The following PLCB4 variants were observed in gnomAD, a reference collection of about 807,000 sequenced individuals.
PLCB4 encodes 1-phosphatidylinositol 4,5-bisphosphate phosphodiesterase beta-4.
PLCB4 carries 77 observed loss-of-function variants against 178.8 expected under a neutral mutation model. The observed-to-expected ratio is 0.43, with a 90% CI of 0.36 to 0.52. PLCB4 has a LOEUF of 0.52. Ranked by LOEUF, PLCB4 falls within the 20% of genes least tolerant of loss-of-function variation. The pLI, the probability that PLCB4 is intolerant of heterozygous loss-of-function variation, is 0.00. For synonymous variants in PLCB4, 496 were observed against 490.8 expected (o/e 1.01, Z -0.14); for missense variants, 1,024 against 1,453.4 (o/e 0.70, Z 4.80).
chr20:9,407,632 C>T (rs1224547908), intron 21 of PLCB4, among the ~76,000 whole-genome samples: 1 of 152,128 alleles, frequency 6.6e-6, no homozygotes, highest in East Asian at 1.9e-4. Context: ...AGGCATGAGC[C>T]ACCGTTCCCG....
At chr20:9,344,424 G>C (rs993718198) in intron 7 of PLCB4, among the ~76,000 whole-genome samples, 23 of 152,158 alleles carry the variant, frequency 1.5e-4, no homozygotes, top group African/African-American at 5.1e-4. Context: ...TCCTCTGTCT[G>C]CAGGACGGCA....
At chr20:9,333,928 G>A (rs1325586231) in intron 4 of PLCB4, among the ~76,000 whole-genome samples, 2 of 152,138 alleles carry the variant, frequency 1.3e-5, no homozygotes, top group Non-Finnish European at 2.9e-5. Context: ...AGAGAATAAA[G>A]AGTTCAGTTA....
intron 2 of PLCB4, among the ~76,000 whole-genome samples, chr20:9,203,057 ATAT>A (rs1403173747): frequency 0.01 from 1,001 of 97,244 alleles, 12 homozygotes; most frequent in African/African-American, 0.045. Flanking sequence ...AAAAAAAAAA[ATAT>A]ATATATATAT....
intron 14 of PLCB4, among the ~76,000 whole-genome samples, chr20:9,386,911 G>T (rs6086867): frequency 0.04 from 5,697 of 140,670 alleles, 175 homozygotes; most frequent in Non-Finnish European, 0.061. Flanking sequence ...TTTTTTAATT[G>T]GGACAGAGTC....
intron 2 of PLCB4, among the ~76,000 whole-genome samples, chr20:9,097,232 C>CTTTTTTTTTTTTTTTTTTTTTTGTTT (rs544568591): frequency 1.2e-5 from 1 of 81,074 alleles, no homozygotes; most frequent in Non-Finnish European, 2.4e-5. Flanking sequence ...ACAGCCTGGC[C>CTTTTTTTTTTTTTTTTTTTTTTGTTT]TTTTTTTTTT....
intron 3 of PLCB4, among the ~76,000 whole-genome samples, chr20:9,291,590 T>C (rs2094580199): frequency 6.6e-6 from 1 of 152,108 alleles, no homozygotes; most frequent in African/African-American, 2.4e-5. Flanking sequence ...TAAATCAACC[T>C]CCCCAAACCT....
At chr20:9,105,795 T>C (rs1366786024) in intron 2 of PLCB4, among the ~76,000 whole-genome samples, 1 of 152,074 alleles carries the variant, frequency 6.6e-6, no homozygotes, top group Non-Finnish European at 1.5e-5. Flanking sequence ...ACTGCTAATA[T>C]AGAAATAATT....
intron 35 of PLCB4, among the ~76,000 whole-genome samples, chr20:9,464,358 C>A (rs2043616922): frequency 6.6e-6 from 1 of 152,078 alleles, no homozygotes; most frequent in Non-Finnish European, 1.5e-5. Flanking sequence ...CCTAACGTCA[C>A]AATTAAAAGA....
intron 2 of PLCB4, among the ~76,000 whole-genome samples, chr20:9,118,981 G>T (rs550287253): frequency 1.3e-5 from 2 of 152,284 alleles, no homozygotes; most frequent in South Asian, 4.2e-4. Context: ...CGGAAGTCTG[G>T]TGAGTTGATA....
chr20:9,429,858 T>G (rs2041274210), intron 28 of PLCB4, among the ~76,000 whole-genome samples: 1 of 152,212 alleles, frequency 6.6e-6, no homozygotes, highest in Admixed American at 6.5e-5. Context: ...TTGTCAGAAC[T>G]GTCCCAGGTA....
intron 2 of PLCB4, among the ~76,000 whole-genome samples, chr20:9,124,752 G>T (rs910566202): frequency 2.6e-5 from 4 of 152,084 alleles, no homozygotes; most frequent in African/African-American, 7.2e-5. Flanking sequence ...AACTCCCTTG[G>T]CCATTCCCCA....
At chr20:9,227,026 C>T (rs1356549699) in intron 3 of PLCB4, among the ~76,000 whole-genome samples, 1 of 151,746 alleles carries the variant, frequency 6.6e-6, no homozygotes, top group African/African-American at 2.4e-5. Flanking sequence ...GAAATGGTAC[C>T]TCCTTGTGGT....
chr20:9,161,677 G>A (rs1030293552), intron 2 of PLCB4, among the ~76,000 whole-genome samples: 26 of 152,178 alleles, frequency 1.7e-4, no homozygotes, highest in Non-Finnish European at 5.9e-5. Flanking sequence ...ACCCAGCATT[G>A]CTTGTATTGG....
intron 3 of PLCB4, among the ~76,000 whole-genome samples, chr20:9,272,463 A>G (rs2094413218): frequency 6.6e-6 from 1 of 152,116 alleles, no homozygotes. Flanking sequence ...AGTTAATACC[A>G]TAGCTGCAGG....
intron 25 of PLCB4, among the ~76,000 whole-genome samples, chr20:9,419,120 ACTTC>A (rs2040452551): frequency 6.6e-6 from 1 of 151,858 alleles, no homozygotes; most frequent in South Asian, 2.1e-4. Context: ...AAATAGGCTT[ACTTC>A]CTTCTTTCCA....
intron 4 of PLCB4, among the ~76,000 whole-genome samples, chr20:9,318,974 G>A (rs1328587054): frequency 1.8e-4 from 28 of 152,182 alleles, no homozygotes; most frequent in Non-Finnish European, 3.8e-4. Flanking sequence ...GTTGGCCAGG[G>A]CATCCTTTTA....
intron 13 of PLCB4, among the ~76,000 whole-genome samples, chr20:9,382,347 A>C (rs1022065502): frequency 2.0e-5 from 3 of 152,192 alleles, no homozygotes; most frequent in African/African-American, 7.2e-5. Context: ...TCCACACAGC[A>C]GCCAGAGTAA....
At chr20:9,214,595 CCT>C (rs922371040) in intron 2 of PLCB4, among the ~76,000 whole-genome samples, 1 of 124,898 alleles carries the variant, frequency 8.0e-6, no homozygotes, top group Non-Finnish European at 1.6e-5. Flanking sequence ...ACACACACAG[CCT>C]CTGTCTCTCA....
chr20:9,215,256 G>C (rs1334956586), intron 2 of PLCB4, among the ~76,000 whole-genome samples: 2 of 152,166 alleles, frequency 1.3e-5, no homozygotes, highest in African/African-American at 4.8e-5. Flanking sequence ...CTTCATGGGA[G>C]TCGTATCTTC....
Sources: allele counts gnomAD v4.1 joint callset (sites outside exome capture counted in the v4.1 genomes callset), GRCh38; gene constraint gnomAD v4.1.1; transcripts MANE v1.5; gene names NCBI Gene and HGNC (gene_info 2026-07-23, HGNC 2026-07-21).